RAPGEF6: variants seen among roughly 807,000 people sequenced by gnomAD.
RAPGEF6 encodes PDZ domain containing guanine nucleotide exchange factor (GEF) 2.
In RAPGEF6, 56 loss-of-function variants were observed where a neutral mutation model predicts 171.4. The ratio of observed to expected loss-of-function variants is 0.33; its 90% CI spans 0.26 to 0.41. RAPGEF6 has a LOEUF of 0.41. Among genes scored for constraint, RAPGEF6 ranks in the 10% least tolerant of loss-of-function variants. RAPGEF6 has a pLI of 1.00. For synonymous variants in RAPGEF6, 692 were observed against 650.1 expected, an observed-to-expected ratio of 1.06 and a Z score of -0.98; for missense variants, 1,674 against 1,921.4, an observed-to-expected ratio of 0.87 and a Z score of 2.41.
chr5:131,432,066 C>G (rs1278320939), intron 25 of RAPGEF6, among the ~76,000 whole-genome samples: 1 of 152,012 alleles, frequency 6.6e-6, no homozygotes, highest in Non-Finnish European at 1.5e-5. Context: ...CCAAATTTAG[C>G]CAACAGCCTA....
At chr5:131,530,533 T>A (rs1759302484) in intron 6 of RAPGEF6, among the ~76,000 whole-genome samples, 1 of 152,146 alleles carries the variant, frequency 6.6e-6, no homozygotes, top group Admixed American at 6.5e-5. Context: ...AAAAGAAGTA[T>A]AACAAAATTC....
At chr5:131,476,985 C>T (rs1183430567) in intron 16 of RAPGEF6, among the ~76,000 whole-genome samples, 1 of 152,146 alleles carries the variant, frequency 6.6e-6, no homozygotes, top group Non-Finnish European at 1.5e-5. Flanking sequence ...CAGTATTAAA[C>T]TGTATATCCT....
rs1188055860 is a variant in RAPGEF6, at chr5:131,426,509, C to T, written c.*757G>A. ...ATTCTGTGGAAATTAGGGTTCCCAC[C>T]CTCCTCCCCAAACTACTCCCTCCCA... is the stretch of plus-strand genomic sequence containing the variant. On this transcript the variant is annotated 3_prime_UTR_variant, in exon 28 of 28. Transcript: ENST00000509018. 6.6e-6 allele frequency: 1 copy of T among 152,264 alleles called. No individual in the cohort carries two copies. The highest frequency in any genetic ancestry group is 1.5e-5 in the Non-Finnish European group (1 of 68,018). The allele number at this position is 152,264 out of a possible 1,614,324, so 9.4% of individuals were successfully genotyped here. A position where few individuals can be genotyped will look rare whatever the true frequency, so the allele number is the denominator to read the frequency against.
At chr5:131,540,611 CA>C (rs1193606608) in intron 6 of RAPGEF6, among the ~76,000 whole-genome samples, 2 of 152,146 alleles carry the variant, frequency 1.3e-5, no homozygotes, top group Non-Finnish European at 2.9e-5. Context: ...AAGGAGAAAT[CA>C]AGGAGAAGGA....
intron 17 of RAPGEF6, among the ~76,000 whole-genome samples, chr5:131,471,901 T>C (rs920870744): frequency 4.6e-5 from 7 of 152,144 alleles, no homozygotes; most frequent in African/African-American, 9.7e-5. Flanking sequence ...CTGTGTATTA[T>C]AGAAAAAGGT....
intron 21 of RAPGEF6, chr5:131,447,232 C>G (rs138431481): frequency 6.5e-6 from 1 of 154,036 alleles, no homozygotes; most frequent in East Asian, 1.9e-4. Flanking sequence ...TTGGCCAAAA[C>G]TCAAACAGAA....
intron 6 of RAPGEF6, among the ~76,000 whole-genome samples, chr5:131,540,024 T>C (rs1342119678): frequency 1.3e-5 from 2 of 152,204 alleles, no homozygotes; most frequent in African/African-American, 4.8e-5. Flanking sequence ...AATGCTGCCA[T>C]GGAAATCATT....
rs562575920 is a variant in RAPGEF6, at chr5:131,452,647, T to A, written c.3200+407A>T. Among the ~76,000 whole-genome samples the A allele has an allele frequency of 1.7e-4, 26 of 151,534 alleles. No homozygotes were observed. The Middle Eastern group carries it at 0.028, about 161-fold the overall frequency. ...GTTTGCTGATTTTTTTTTTTTTTTT[T>A]AGTAGAGACAGGGTTTCACCTTGTT... On this transcript the variant is annotated intron_variant, in intron 21 of 27. Coordinates refer to ENST00000509018, the MANE Select transcript of RAPGEF6 (RefSeq NM_016340.6).
intron 4 of RAPGEF6, among the ~76,000 whole-genome samples, chr5:131,590,666 GT>G (rs1763536328): frequency 1.3e-5 from 2 of 152,094 alleles, no homozygotes; most frequent in African/African-American, 4.8e-5. Flanking sequence ...TTCCTGTGAA[GT>G]TTATGATTAC....
Position 131,599,638 on chromosome 5 carries a change from T to C in RAPGEF6, c.197+3633A>G, listed in dbSNP as rs148514186. Among the ~76,000 whole-genome samples the C allele has an allele frequency of 4.9e-4, 75 of 152,320 alleles. No homozygotes were observed. The East Asian group carries it at 8.7e-3, about 18-fold the overall frequency. Reference sequence around the variant, plus strand: ...GATGTCCATAGGGATACCTAATGAATCTTGCCAATAATAAAATCCATGCCT... The same window carrying C: ...GATGTCCATAGGGATACCTAATGAACCTTGCCAATAATAAAATCCATGCCT... On this transcript the variant is annotated intron_variant, in intron 3 of 27. Coordinates refer to ENST00000509018, the MANE Select transcript of RAPGEF6 (RefSeq NM_016340.6).
rs537263340 is a variant in RAPGEF6, at chr5:131,464,966, T to C, written c.2240-685A>G. ...CTTTCCCATTTCATAAGCCCTATTC[T>C]TTTCCTCCCTCCAAAAAAATATCAT... On this transcript the variant is annotated intron_variant, in intron 17 of 27. Transcript: ENST00000509018. 3.9e-5 allele frequency among the ~76,000 whole-genome samples: 6 copies of C among 152,304 alleles called. No individual in the cohort carries two copies. In the South Asian group the frequency reaches 8.3e-4, roughly 21 times the overall value.
chr5:131,560,542 G>A (rs971380317), intron 5 of RAPGEF6, among the ~76,000 whole-genome samples: 2 of 152,156 alleles, frequency 1.3e-5, no homozygotes. Context: ...AATCAATACT[G>A]CCTGGGCAGT....
Position 131,479,595 on chromosome 5 carries a change from T to C in RAPGEF6, c.1999A>G (p.Asn667Asp), listed in dbSNP as rs1310685142. 20 of 1,613,938 alleles carry C rather than the reference T, an allele frequency of 1.2e-5. No individual in the cohort carries two copies. Among genetic ancestry groups the C allele is most frequent in the Non-Finnish European group, 1.6e-5 (19 of 1,179,970 alleles). The change falls in exon 16 of 28, where the codon AAT (asparagine) becomes GAT (aspartate). Residue 667 changes from asparagine (N) to aspartate (D), a missense_variant. Physicochemically the swap from Asn to Asp is conservative, Grantham distance 23. Transcript: ENST00000509018. ...TTGTTTCTTCCACCTGAAACAGTAT[T>C]TGCTTTAACTTTCTTACTTCCTTTC... ...QEKGSKKVKA[N>D]TVSGGRNKIR...
chr5:131,552,556 G>A (rs1008474797), intron 5 of RAPGEF6, among the ~76,000 whole-genome samples: 1 of 151,632 alleles, frequency 6.6e-6, no homozygotes, highest in African/African-American at 2.4e-5. Context: ...CACCTCCCAG[G>A]TTCAAGTGAT....
chr5:131,514,315 A>G (rs1368152590), intron 7 of RAPGEF6, among the ~76,000 whole-genome samples: 2 of 152,192 alleles, frequency 1.3e-5, no homozygotes, highest in African/African-American at 4.8e-5. Context: ...GGTCCTTAAG[A>G]GAAAGGTAGA....
chr5:131,427,937 G>T (rs1751470475), intron 27 of RAPGEF6, among the ~76,000 whole-genome samples: 1 of 152,042 alleles, frequency 6.6e-6, no homozygotes, highest in Admixed American at 6.6e-5. Context: ...GTAAAATGCT[G>T]TCTCAAATAC....
At position 131,464,142 on chromosome 5, in the gene RAPGEF6, A is replaced by G. The variant is rs374840385; in HGVS notation, c.2379T>C (p.Tyr793=). 20 of 1,613,940 alleles carry G rather than the reference A, an allele frequency of 1.2e-5. No individual in the cohort carries two copies. The highest frequency in any genetic ancestry group is 1.6e-5 in the Non-Finnish European group (19 of 1,179,970). ...GAGTAACAGAAACTTCACAGAGAGA[A>G]TATGTGTCGGATGCACCGGTCAAAC... ...EFGLTGASDT[Y]SLCEVSVTPE... is the part of the protein sequence containing the mutation. The change falls in exon 18 of 28, where the codon TAT becomes TAC. Residue 793 remains tyrosine (Y), a synonymous_variant. Transcript: ENST00000509018.
intron 16 of RAPGEF6, among the ~76,000 whole-genome samples, chr5:131,474,855 C>A (rs1443643217): frequency 6.6e-6 from 1 of 152,082 alleles, no homozygotes; most frequent in African/African-American, 2.4e-5. Context: ...GAGGGTGCGA[C>A]AACAATCCAA....
intron 22 of RAPGEF6, among the ~76,000 whole-genome samples, chr5:131,445,341 C>T (rs966099857): frequency 3.9e-5 from 6 of 152,100 alleles, no homozygotes; most frequent in African/African-American, 1.4e-4. Context: ...GTTTTCTATT[C>T]TTTCTTTTGA....
Sources: allele counts gnomAD v4.1 joint callset (sites outside exome capture counted in the v4.1 genomes callset), GRCh38; gene constraint gnomAD v4.1.1; transcripts MANE v1.5; gene names NCBI Gene and HGNC (gene_info 2026-07-23, HGNC 2026-07-21).